The following ESR1 variants were observed in gnomAD, a reference collection of about 807,000 sequenced individuals.
ESR1 encodes estrogen receptor 1, also known as estrogen receptor.
ESR1 carries 12 observed loss-of-function variants against 52.7 expected under a neutral mutation model. The observed-to-expected ratio is 0.23, with a 90% CI of 0.15 to 0.37. The LOEUF is 0.37. Ranked by LOEUF, ESR1 falls within the 10% of genes least tolerant of loss-of-function variation. The pLI, the probability that ESR1 is intolerant of heterozygous loss-of-function variation, is 1.00. For synonymous variants in ESR1, 305 were observed against 316.8 expected, an observed-to-expected ratio of 0.96 and a Z score of 0.39; for missense variants, 584 against 779.7, an observed-to-expected ratio of 0.75 and a Z score of 2.99.
intron 1 of ESR1, chr6:151,813,976 A>C (rs1053296180): frequency 6.6e-6 from 1 of 152,132 alleles, no homozygotes; most frequent in Non-Finnish European, 1.5e-5. Context: ...TCAGATTCTC[A>C]TCTCCTTCTC....
At chr6:151,677,114 T>G (rs1778279172) in intron 1 of ESR1, among the ~76,000 whole-genome samples, 1 of 152,196 alleles carries the variant, frequency 6.6e-6, no homozygotes, top group Non-Finnish European at 1.5e-5. Context: ...GCCTCTCCAG[T>G]AGCTGCAACT....
At chr6:151,973,371 T>C (rs1424544254) in intron 4 of ESR1, among the ~76,000 whole-genome samples, 1 of 152,156 alleles carries the variant, frequency 6.6e-6, no homozygotes, top group Non-Finnish European at 1.5e-5. Flanking sequence ...TGTTCCTGAA[T>C]TGCACACAAG....
chr6:151,961,115 G>A (rs2037606615), intron 4 of ESR1, among the ~76,000 whole-genome samples: 1 of 152,162 alleles, frequency 6.6e-6, no homozygotes, highest in Non-Finnish European at 1.5e-5. Context: ...TGGAGTTTAG[G>A]AGAGAGGCTG....
chr6:151,854,734 G>C (rs1180493183), intron 2 of ESR1, among the ~76,000 whole-genome samples: 1 of 152,150 alleles, frequency 6.6e-6, no homozygotes, highest in African/African-American at 2.4e-5. Context: ...TTTGTATTAA[G>C]TGCAATGATT....
chr6:151,790,603 A>G (rs1232054894), intron 2 of ESR1, among the ~76,000 whole-genome samples: 3 of 150,980 alleles, frequency 2.0e-5, no homozygotes, highest in Admixed American at 2.0e-4. Context: ...TTTTAATCCC[A>G]CATGGTGACC....
chr6:151,975,811 G>A (rs1409210822), intron 4 of ESR1, among the ~76,000 whole-genome samples: 2 of 152,192 alleles, frequency 1.3e-5, no homozygotes. Flanking sequence ...TATAGAATTA[G>A]CCAGCAAACT....
intron 2 of ESR1, among the ~76,000 whole-genome samples, chr6:151,738,454 C>T (rs780519372): frequency 1.3e-5 from 2 of 152,178 alleles, no homozygotes; most frequent in Admixed American, 6.5e-5. Context: ...TTTCTCATAA[C>T]AGCTGCACCA....
intron 6 of ESR1, among the ~76,000 whole-genome samples, chr6:152,076,198 G>A (rs914980568): frequency 9.9e-5 from 15 of 152,134 alleles, no homozygotes; most frequent in African/African-American, 3.1e-4. Context: ...TGAATCATAG[G>A]AGTGGTTTCC....
chr6:151,742,237 A>G (rs893805095), intron 2 of ESR1, among the ~76,000 whole-genome samples: 2 of 152,154 alleles, frequency 1.3e-5, no homozygotes, highest in East Asian at 1.9e-4. Flanking sequence ...AGATATCTTT[A>G]CGAGGTGGTG....
At chr6:152,054,632 C>T (rs1159727985) in intron 5 of ESR1, among the ~76,000 whole-genome samples, 5 of 152,178 alleles carry the variant, frequency 3.3e-5, no homozygotes, top group Non-Finnish European at 7.3e-5. Flanking sequence ...ATCTCAGGAG[C>T]CTTTTATTAA....
chr6:151,871,442 C>T (rs11964786), intron 2 of ESR1, among the ~76,000 whole-genome samples: 6,707 of 151,956 alleles, frequency 0.044, 283 homozygotes, highest in East Asian at 0.19. Flanking sequence ...TCACTCTAGT[C>T]GCCCAGGCTG....
chr6:151,738,193 A>T (rs1481176112), intron 2 of ESR1, among the ~76,000 whole-genome samples: 1 of 152,142 alleles, frequency 6.6e-6, no homozygotes, highest in Non-Finnish European at 1.5e-5. Flanking sequence ...AAATCTATCA[A>T]TCATTTTGAT....
chr6:151,939,200 C>T (rs2034742085), intron 3 of ESR1, among the ~76,000 whole-genome samples: 1 of 152,168 alleles, frequency 6.6e-6, no homozygotes, highest in South Asian at 2.1e-4. Context: ...AAGTAAACTT[C>T]TTGACTGTCA....
intron 1 of ESR1, among the ~76,000 whole-genome samples, chr6:151,680,629 C>A (rs1778422949): frequency 6.6e-6 from 1 of 152,186 alleles, no homozygotes; most frequent in Non-Finnish European, 1.5e-5. Flanking sequence ...CCAAAGGCCC[C>A]ACTTCCTGTC....
intron 2 of ESR1, among the ~76,000 whole-genome samples, chr6:151,867,371 C>CA (rs1304934060): frequency 1.3e-5 from 2 of 151,400 alleles, no homozygotes; most frequent in African/African-American, 4.9e-5. Flanking sequence ...ATCCATCTAA[C>CA]AAAGGGCTAA....
chr6:152,026,032 TG>T (rs1298126993), intron 5 of ESR1, among the ~76,000 whole-genome samples: 1 of 152,088 alleles, frequency 6.6e-6, no homozygotes, highest in African/African-American at 2.4e-5. Context: ...TTTTGTTTTT[TG>T]TTTTACTGTT....
rs567198085 is a variant in ESR1, at chr6:151,950,549, C to G, written c.1096+6041C>G. Among the ~76,000 whole-genome samples the G allele has an allele frequency of 3.3e-5, 5 of 152,232 alleles. No homozygotes were observed. In the South Asian group the frequency reaches 1.0e-3, roughly 32 times the overall value. ...TCAAGTGAAGTCATTAGCACAAGCC[C>G]TAATCCAATAAGGACTGGCATTCTA... On this transcript the variant is annotated intron_variant, in intron 4 of 7. Transcript: ENST00000206249.
intron 2 of ESR1, among the ~76,000 whole-genome samples, chr6:151,874,111 A>T (rs940170926): frequency 3.3e-5 from 5 of 152,298 alleles, no homozygotes; most frequent in Admixed American, 1.3e-4. Flanking sequence ...TTTAGAATTC[A>T]TTTTTATTTC....
intron 4 of ESR1, among the ~76,000 whole-genome samples, chr6:151,985,809 G>A (rs2040431874): frequency 6.6e-6 from 1 of 151,978 alleles, no homozygotes; most frequent in South Asian, 2.1e-4. Flanking sequence ...CTGGATTACA[G>A]GTGTGTGCCA....
Sources: gnomAD v4.1 joint callset for allele counts (sites outside exome capture counted in the v4.1 genomes callset) on GRCh38, gnomAD v4.1.1 for gene constraint, MANE v1.5 for transcripts, NCBI Gene and HGNC (gene_info 2026-07-23, HGNC 2026-07-21) for gene names.